The following AMZ1 variants were observed in gnomAD, a reference collection of about 807,000 sequenced individuals.
AMZ1 encodes archaelysin family metallopeptidase 1.
In AMZ1, 39 loss-of-function variants were observed where a neutral mutation model predicts 29.9. That is an observed-to-expected ratio of 1.30 (90% CI 1.01 to 1.70). The LOEUF is 1.70. AMZ1 is among the 40% of genes most tolerant of loss of function. The pLI, the probability that AMZ1 is intolerant of heterozygous loss-of-function variation, is 0.00. For missense variants in AMZ1, 1,041 were observed against 680.6 expected (o/e 1.53, Z -5.89); for synonymous variants, 458 against 304.0 (o/e 1.51, Z -5.27).
Position 2,709,776 on chromosome 7 carries a change from T to G in AMZ1, c.908T>G (p.Leu303Arg), listed in dbSNP as rs764934837. Residue 303 changes from leucine (L) to arginine (R), a missense_variant, in exon 6 of 7, where the codon CTG becomes CGG. Leu to Arg is a moderately radical substitution (Grantham distance 102). Coordinates refer to ENST00000683327, the MANE Select transcript of AMZ1 (RefSeq NM_001384743.1). ...LDLCPICLRK[L>R]QHVLGFRLIE... ...CTCTGTCCCATCTGCCTGAGGAAGCTGCAGCATGTCCTGGGTTTCAGGCTC... is the reference window on the plus strand; with the variant it reads ...CTCTGTCCCATCTGCCTGAGGAAGCGGCAGCATGTCCTGGGTTTCAGGCTC... 1 of 1,611,992 alleles carries G rather than the reference T, an allele frequency of 6.2e-7. No homozygotes were observed. Among genetic ancestry groups the G allele is most frequent in the African/African-American group, 1.3e-5 (1 of 74,920 alleles).
At position 2,716,786 on chromosome 7, in the gene AMZ1, C is replaced by T. The variant is rs540342104; in HGVS notation, c.*3908C>T. Among the ~76,000 whole-genome samples, 26 of 152,298 alleles carry T rather than the reference C, an allele frequency of 1.7e-4. No homozygotes were observed. The highest frequency in any genetic ancestry group is 8.3e-4 in the South Asian group (4 of 4,824). On this transcript the variant is annotated 3_prime_UTR_variant, in exon 7 of 7. Transcript: ENST00000683327. The stretch of plus-strand genomic sequence containing the variant: ...CGCTTAAGGGGTCCTTCCTATGTAA[C>T]GGAATTTTTTTACATCATCATCGAG...
At chr7:2,708,808 T>G in intron 4 of AMZ1, 92 bp downstream of exon 4, 5 of 1,576,224 alleles carry the variant, frequency 3.2e-6, no homozygotes, top group Non-Finnish European at 4.3e-6. Context: ...TGCTTTTGCT[T>G]CAAGCACCCT....
upstream of AMZ1, among the ~76,000 whole-genome samples, chr7:2,760,020 T>C (rs1326877970): frequency 6.6e-6 from 1 of 152,250 alleles, no homozygotes; most frequent in East Asian, 1.9e-4. Context: ...CACTCAGTTT[T>C]AAAAGTATTT....
Position 2,712,812 on chromosome 7 carries a change from G to A in AMZ1, c.1431G>A (p.Lys477=). 3 of 1,539,964 alleles carry A rather than the reference G, an allele frequency of 1.9e-6. No homozygotes were observed. The highest frequency in any genetic ancestry group is 1.8e-4 in the Middle Eastern group (1 of 5,686). ...LGDKFSSLRR[K]LSARKLARAE... is the part of the protein sequence containing the mutation. The stretch of plus-strand genomic sequence containing the variant: ...ACAAGTTCTCCTCCCTGAGGAGGAA[G>A]CTGAGTGCCCGAAAACTCGCCAGAG... The change falls in exon 7 of 7, where the codon AAG becomes AAA. Residue 477 remains lysine, a synonymous_variant. Transcript: ENST00000683327.
At chr7:2,763,391 A>T (rs1370223200), upstream of AMZ1, 1 of 152,836 alleles carries the variant, frequency 6.5e-6, no homozygotes, top group East Asian at 1.9e-4. Flanking sequence ...GTTCCAGCTC[A>T]GGGAGCCCAC....
At chr7:2,708,837 C>T (rs1011254225) in intron 4 of AMZ1, 121 bp downstream of exon 4, 1 of 1,488,360 alleles carries the variant, frequency 6.7e-7, no homozygotes, top group Non-Finnish European at 9.1e-7. Flanking sequence ...AAGTCAACAC[C>T]TGTGCATGGG....
chr7:2,726,020 G>A (rs996341334), intron 4 of AMZ1, among the ~76,000 whole-genome samples: 1 of 152,188 alleles, frequency 6.6e-6, no homozygotes, highest in Non-Finnish European at 1.5e-5. Flanking sequence ...ATCTCTCCCC[G>A]GGGCTGCTGT....
At chr7:2,752,558 T>C (rs1791092060) in intron 4 of AMZ1, among the ~76,000 whole-genome samples, 1 of 152,166 alleles carries the variant, frequency 6.6e-6, no homozygotes, top group Non-Finnish European at 1.5e-5. Flanking sequence ...CTAAGGAAGC[T>C]ATAAAAAAGC....
chr7:2,736,259 C>T (rs905575510), intron 4 of AMZ1, among the ~76,000 whole-genome samples: 3 of 152,182 alleles, frequency 2.0e-5, no homozygotes, highest in African/African-American at 4.8e-5. Flanking sequence ...GTCCTCTCAA[C>T]GGCTGCTGCG....
chr7:2,725,000 C>A (rs1422933305), intron 4 of AMZ1, among the ~76,000 whole-genome samples: 1 of 152,170 alleles, frequency 6.6e-6, no homozygotes, highest in Admixed American at 6.5e-5. Context: ...GAGTTCTACC[C>A]ACTTCCTACC....
At chr7:2,748,986 G>A (rs1233335838) in intron 4 of AMZ1, among the ~76,000 whole-genome samples, 1 of 152,198 alleles carries the variant, frequency 6.6e-6, no homozygotes, top group South Asian at 2.1e-4. Context: ...AGTTAGAATG[G>A]TGATCATTAA....
upstream of AMZ1, among the ~76,000 whole-genome samples, chr7:2,764,247 T>C (rs1052311107): frequency 2.2e-4 from 33 of 147,834 alleles, no homozygotes; most frequent in Non-Finnish European, 3.4e-4. Flanking sequence ...CTAATTTCTT[T>C]TTTTTTTTTT....
intron 4 of AMZ1, chr7:2,729,068 C>T (rs560734635): frequency 6.6e-5 from 10 of 152,388 alleles, no homozygotes; most frequent in Admixed American, 3.3e-4. Flanking sequence ...TTGACAAGGC[C>T]GGACTACTCA....
intron 4 of AMZ1, chr7:2,733,401 C>CAA (rs34004158): frequency 1.3e-6 from 2 of 1,534,406 alleles, no homozygotes; most frequent in Admixed American, 1.7e-5. Context: ...TCTCTGGACA[C>CAA]GTTTTCTAAC....
chr7:2,680,457 C>T (rs1207365023), intron 1 of AMZ1, among the ~76,000 whole-genome samples: 1 of 152,186 alleles, frequency 6.6e-6, no homozygotes, highest in Non-Finnish European at 1.5e-5. Context: ...CATGCAGCCG[C>T]CCTGGGCCGC....
At chr7:2,693,705 G>A (rs561539337) in intron 1 of AMZ1, among the ~76,000 whole-genome samples, 5 of 152,226 alleles carry the variant, frequency 3.3e-5, no homozygotes, top group South Asian at 2.1e-4. Flanking sequence ...ATAGGCGCCC[G>A]CCACCACGCC....
intron 4 of AMZ1, among the ~76,000 whole-genome samples, chr7:2,737,294 T>TTTTTTTTTTTTTTTTTTA (rs1790254315): frequency 8.5e-6 from 1 of 117,112 alleles, no homozygotes; most frequent in Non-Finnish European, 1.8e-5. Context: ...TTTTTGTTTT[T>TTTTTTTTTTTTTTTTTTA]TTTTTTTTTT....
chr7:2,711,646 C>T (rs1331210312), intron 6 of AMZ1, among the ~76,000 whole-genome samples: 1 of 152,138 alleles, frequency 6.6e-6, no homozygotes, highest in Non-Finnish European at 1.5e-5. Flanking sequence ...GTCTTGAACT[C>T]CTGGTTTCAA....
At chr7:2,682,847 A>G (rs1786934250) in intron 1 of AMZ1, among the ~76,000 whole-genome samples, 3 of 150,950 alleles carry the variant, frequency 2.0e-5, no homozygotes, top group African/African-American at 7.3e-5. Context: ...GGCATTCTGT[A>G]CAGGGAGGCC....
Sources: allele counts gnomAD v4.1 joint callset (sites outside exome capture counted in the v4.1 genomes callset), GRCh38; gene constraint gnomAD v4.1.1; transcripts MANE v1.5; gene names NCBI Gene and HGNC (gene_info 2026-07-23, HGNC 2026-07-21).